Variants in PGBD1 observed in about 807,000 individuals in gnomAD.
PGBD1 encodes piggyBac transposable element derived 1, also known as piggyBac transposable element-derived protein 1.
Under a neutral mutation model 34.7 loss-of-function variants are expected in PGBD1, and 25 were observed. The observed-to-expected ratio is 0.72, with a 90% confidence interval of 0.52 to 1.00. The LOEUF (loss-of-function observed/expected upper bound fraction) is 1.00, where lower values mean the gene tolerates loss of function less well. PGBD1 is among the 50% of genes least tolerant of loss of function. PGBD1 has a pLI of 0.00. For missense variants in PGBD1, 830 were observed against 959.4 expected (o/e 0.87, Z 1.78); for synonymous variants, 292 against 335.7 (o/e 0.87, Z 1.42).
In PGBD1 at chr6:28,283,917, G is replaced by T. The variant is rs1581626661; in HGVS notation, c.104G>T (p.Gly35Val). Residue 35 changes from glycine to valine, a missense_variant, in exon 2 of 7, where the codon GGC (glycine) becomes GTC (valine). Gly to Val is a moderately radical substitution (Grantham distance 109). Around this residue, in one of 3 missense-constraint regions of PGBD1, gnomAD observed 457 missense variants for 515.4 expected, o/e 0.89. Transcript: ENST00000682144. ...TWEQVCNSQE[G>V]SSHTQEICRL... ...GAGCAGGTGTGCAACTCACAGGAGG[G>T]CAGCTCCCACACTCAGGAGATTTGC... The T allele has an allele frequency of 6.2e-7, 1 of 1,614,024 alleles. No homozygotes were observed. Among genetic ancestry groups the T allele is most frequent in the Admixed American group, 1.7e-5 (1 of 60,010 alleles).
In PGBD1 at chr6:28,287,099, A is replaced by G; in HGVS notation, c.573A>G (p.Ser191=). 1 of 1,614,028 alleles carries G rather than the reference A, an allele frequency of 6.2e-7. No individual in the cohort carries two copies. The highest frequency in any genetic ancestry group is 8.5e-7 in the Non-Finnish European group (1 of 1,179,930). Residue 191 remains serine (S), a synonymous_variant, in exon 4 of 7, where the codon TCA becomes TCG. Transcript: ENST00000682144. ...CTGCAGGGCCTGTTCCCCACGGATC[A>G]GCTCATCTCCAGGAAAAAAACCCCA... ...QEVSGPVPHG[S]AHLQEKNPRD...
In PGBD1 at chr6:28,284,135, C is replaced by T; in HGVS notation, c.322C>T (p.Pro108Ser). Residue 108 changes from proline to serine, a missense_variant, in exon 2 of 7, where the codon CCT becomes TCT. Around this residue, in one of 3 missense-constraint regions of PGBD1, gnomAD observed 457 missense variants for 515.4 expected, o/e 0.89. Transcript: ENST00000682144. Reference protein sequence around the residue: ...KELQPCVKTYPLESGEEAVTV... With the variant: ...KELQPCVKTYSLESGEEAVTV... ...GCTCCAGCCCTGTGTGAAGACATAT[C>T]CTCTGGAGAGTGGAGAGGAGGCAGT... is the stretch of plus-strand genomic sequence containing the variant. The T allele has an allele frequency of 1.2e-6, 2 of 1,611,556 alleles. No individual in the cohort carries two copies. Among genetic ancestry groups the T allele is most frequent in the Non-Finnish European group, 1.7e-6 (2 of 1,178,626 alleles).
chr6:28,302,549 A>C lies in PGBD1; in HGVS notation c.*265A>C, dbSNP rs1345593787. 1 of 385,312 alleles carries C rather than the reference A, an allele frequency of 2.6e-6. No individual in the cohort carries two copies. Among genetic ancestry groups the C allele is most frequent in the East Asian group, 4.6e-5 (1 of 21,918 alleles). The allele number at this position is 385,312 out of a possible 1,614,324, so 23.9% of individuals were successfully genotyped here. A position where few individuals can be genotyped will look rare whatever the true frequency, so the allele number is the denominator to read the frequency against. ...GGGAAATCATGTATTTGTTCAATTG[A>C]CTACTTTGTGCACTTATTTATTTAT... On this transcript the variant is annotated 3_prime_UTR_variant, in exon 7 of 7. Transcript: ENST00000682144.
rs562802961 is a variant in PGBD1 at position 28,300,606 on chromosome 6, A to C, written c.870-118A>C. On this transcript the variant is annotated intron_variant, in intron 6 of 6. Transcript: ENST00000682144. This position sits in a 1 kb window ranked among gnomAD's most constrained non-coding sequence, Gnocchi z 4.0. ...TCCCCATGGAAACTTAAGAGAAATA[A>C]GTAAGTATCCCCCCACACCCACCCC... 5.1e-6 allele frequency: 6 copies of C among 1,187,396 alleles called. No individual in the cohort carries two copies. The Admixed American group carries it at 1.6e-4, about 33-fold the overall frequency. The allele number at this position is 1,187,396 out of a possible 1,614,324, so 73.6% of individuals were successfully genotyped here.
chr6:28,282,581 G>A (rs1009074813), intron 1 of PGBD1, among the ~76,000 whole-genome samples: 1 of 152,194 alleles, frequency 6.6e-6, no homozygotes, highest in Non-Finnish European at 1.5e-5. Context: ...AGGAAAGAAT[G>A]GCTGCAAGAG....
chr6:28,288,088 G>A (rs986767005), intron 4 of PGBD1, among the ~76,000 whole-genome samples: 1 of 152,170 alleles, frequency 6.6e-6, no homozygotes, highest in Non-Finnish European at 1.5e-5. Flanking sequence ...AGAAGCCCAA[G>A]AAAATCAAAG....
At chr6:28,296,717 T>C in intron 4 of PGBD1, 99 bp from the exon 5 acceptor site, 1 of 1,375,436 alleles carries the variant, frequency 7.3e-7, no homozygotes, top group Non-Finnish European at 1.0e-6. Flanking sequence ...CCTGAGGGGC[T>C]GGGACTACCG....
At chr6:28,291,311 G>A (rs754686023) in intron 4 of PGBD1, among the ~76,000 whole-genome samples, 5 of 151,688 alleles carry the variant, frequency 3.3e-5, no homozygotes, top group Non-Finnish European at 5.9e-5. Flanking sequence ...AGAGACTTAT[G>A]AACAACTATG....
At chr6:28,287,277 G>T in intron 4 of PGBD1, 109 bp downstream of exon 4, 1 of 904,934 alleles carries the variant, frequency 1.1e-6, no homozygotes, top group South Asian at 1.4e-5. Context: ...GAGCCATTCA[G>T]GTGGCATAGT....
Position 28,297,659 on chromosome 6 carries a change from C to T in PGBD1, c.773-236C>T, listed in dbSNP as rs562591447. 4.3e-4 allele frequency among the ~76,000 whole-genome samples: 65 copies of T among 152,230 alleles called. 3 individuals are homozygous for T. In the East Asian group the frequency reaches 0.011, roughly 26 times the overall value. ...TTGAAATGTGCTCTGCCCTGTTGGG[C>T]CCTCTCTGCAGCTGGGCTTTGGTGC... On this transcript the variant is annotated intron_variant, in intron 5 of 6. Coordinates refer to ENST00000682144, the MANE Select transcript of PGBD1 (RefSeq NM_032507.4).
intron 4 of PGBD1, among the ~76,000 whole-genome samples, chr6:28,290,570 G>A (rs889278963): frequency 6.6e-6 from 1 of 152,078 alleles, no homozygotes; most frequent in African/African-American, 2.4e-5. Flanking sequence ...ACAGAGAAAC[G>A]ATGGAATTAA....
chr6:28,287,289 C>A, intron 4 of PGBD1, 121 bp downstream of exon 4: 4 of 802,272 alleles, frequency 5.0e-6, no homozygotes, highest in Non-Finnish European at 8.6e-6. Context: ...TGGCATAGTC[C>A]CTCTGCCTTC....
intron 4 of PGBD1, among the ~76,000 whole-genome samples, chr6:28,288,645 C>T (rs981169404): frequency 2.6e-5 from 4 of 151,904 alleles, no homozygotes; most frequent in African/African-American, 9.7e-5. Flanking sequence ...TGCTTGAGGC[C>T]AGGAGTTTGA....
intron 4 of PGBD1, among the ~76,000 whole-genome samples, chr6:28,290,170 A>G (rs1561887297): frequency 6.6e-6 from 1 of 152,154 alleles, no homozygotes; most frequent in Non-Finnish European, 1.5e-5. Context: ...ATCTCAGCTC[A>G]CTGCAACCTC....
At chr6:28,282,855 G>A (rs1762170686) in intron 1 of PGBD1, among the ~76,000 whole-genome samples, 1 of 152,204 alleles carries the variant, frequency 6.6e-6, no homozygotes, top group African/African-American at 2.4e-5. Flanking sequence ...TATATTGAAA[G>A]TGTGACTAAG....
Position 28,301,169 on chromosome 6 carries a change from A to T in PGBD1, c.1315A>T (p.Thr439Ser), listed in dbSNP as rs762987737. Residue 439 changes from threonine (T) to serine (S), a missense_variant, in exon 7 of 7, where the codon ACC becomes TCC. Thr to Ser is a moderately conservative substitution (Grantham distance 58). Coordinates refer to ENST00000682144, the MANE Select transcript of PGBD1 (RefSeq NM_032507.4). The part of the protein sequence containing the change: ...DETFNLIVNE[T>S]NNYASQKNVS... ...AACATTCAACTTAATTGTCAATGAAACCAATAATTATGCTTCTCAGAAAAA... is the reference window on the plus strand; with the variant it reads ...AACATTCAACTTAATTGTCAATGAATCCAATAATTATGCTTCTCAGAAAAA... 1 of 1,614,182 alleles carries T rather than the reference A, an allele frequency of 6.2e-7. No individual in the cohort carries two copies. The highest frequency in any genetic ancestry group is 1.1e-5 in the South Asian group (1 of 91,082).
At chr6:28,294,285 G>T (rs1046945370) in intron 4 of PGBD1, among the ~76,000 whole-genome samples, 1 of 152,178 alleles carries the variant, frequency 6.6e-6, no homozygotes, top group African/African-American at 2.4e-5. Flanking sequence ...AGCAGAGGTT[G>T]GTTCGTGAGG....
chr6:28,285,799 A>G, intron 3 of PGBD1, 92 bp downstream of exon 3: 1 of 1,316,858 alleles, frequency 7.6e-7, no homozygotes, highest in Non-Finnish European at 1.0e-6. Context: ...TACATTGTGA[A>G]ATGATTACCA....
chr6:28,295,586 C>T (rs150829542), intron 4 of PGBD1, among the ~76,000 whole-genome samples: 1 of 152,226 alleles, frequency 6.6e-6, no homozygotes, highest in East Asian at 1.9e-4. Context: ...CCTCTACCAG[C>T]AAAAAGATCA....
Sources: gnomAD v4.1 joint callset for allele counts (sites outside exome capture counted in the v4.1 genomes callset) on GRCh38, gnomAD v4.1.1 for gene constraint, gnomAD v4.1.1 regional missense constraint, Gnocchi (gnomAD v3.1) non-coding constraint, MANE v1.5 for transcripts, NCBI Gene and HGNC (gene_info 2026-07-23, HGNC 2026-07-21) for gene names.